The following IL15 variants were observed in gnomAD, a reference collection of about 807,000 sequenced individuals.
The protein encoded by IL15 is interleukin 15.
In IL15, 11 loss-of-function variants were observed where a neutral mutation model predicts 19.6. The ratio of observed to expected loss-of-function variants is 0.56; its 90% confidence interval spans 0.35 to 0.93. The LOEUF is 0.93. Among genes scored for constraint, IL15 ranks in the 40% least tolerant of loss-of-function variants. The pLI is 0.01. For synonymous variants in IL15, 58 were observed against 59.6 expected, an observed-to-expected ratio of 0.97 and a Z score of 0.12; for missense variants, 197 against 186.5, an observed-to-expected ratio of 1.06 and a Z score of -0.33.
At chr4:141,664,470 A>G (rs1314007629) in intron 2 of IL15, among the ~76,000 whole-genome samples, 2 of 152,142 alleles carry the variant, frequency 1.3e-5, no homozygotes, top group Admixed American at 1.3e-4. Flanking sequence ...TCCAATCACC[A>G]AGCATTTTCC....
intron 2 of IL15, among the ~76,000 whole-genome samples, chr4:141,664,213 T>A (rs1727888052): frequency 6.6e-6 from 1 of 152,064 alleles, no homozygotes; most frequent in Non-Finnish European, 1.5e-5. Flanking sequence ...CCTTTATGTT[T>A]CTGTGACTTA....
intron 2 of IL15, among the ~76,000 whole-genome samples, chr4:141,675,764 G>A (rs1579009701): frequency 6.6e-6 from 1 of 152,126 alleles, no homozygotes; most frequent in African/African-American, 2.4e-5. Context: ...CTAGGAAAAG[G>A]AAATTTCTGA....
At position 141,658,861 on chromosome 4, in the gene IL15, ATT is replaced by A. The variant is rs5862540; in HGVS notation, c.-100+2569_-100+2570del. Reference sequence around the variant, plus strand: ...TTCCTAGAAATTATTGTTTCTTGGAATTTTTTTTTTTTTTTTGAGACAGAGTC... The same window carrying A: ...TTCCTAGAAATTATTGTTTCTTGGAATTTTTTTTTTTTTTGAGACAGAGTC... On this transcript the variant is annotated intron_variant, in intron 2 of 7. Coordinates refer to ENST00000320650, the MANE Select transcript of IL15 (RefSeq NM_000585.5). Among the ~76,000 whole-genome samples, 648 of 136,640 alleles carry A rather than the reference ATT, an allele frequency of 4.7e-3. 7 individuals are homozygous for A. Among genetic ancestry groups the A allele is most frequent in the African/African-American group, 0.012 (445 of 36,076 alleles). The allele number at this position is 136,640 out of a possible 152,430, so 89.6% of individuals were successfully genotyped here. A position where few individuals can be genotyped will look rare whatever the true frequency, so the allele number is the denominator to read the frequency against.
chr4:141,686,048 G>T (rs72712411), intron 2 of IL15, among the ~76,000 whole-genome samples: 1 of 152,122 alleles, frequency 6.6e-6, no homozygotes, highest in Non-Finnish European at 1.5e-5. Flanking sequence ...TATAATCCCA[G>T]CATTTTGAGA....
intron 1 of IL15, among the ~76,000 whole-genome samples, chr4:141,654,128 G>A (rs1727505381): frequency 6.6e-6 from 1 of 152,182 alleles, no homozygotes. Flanking sequence ...AACACCTGAT[G>A]GAAGTAAGGG....
chr4:141,651,564 T>C (rs1025256646), intron 1 of IL15, among the ~76,000 whole-genome samples: 10 of 152,136 alleles, frequency 6.6e-5, no homozygotes, highest in South Asian at 2.1e-4. Context: ...ACTGCCTTTG[T>C]ATGCCTTACA....
At chr4:141,638,855 C>A (rs1258565193) in intron 1 of IL15, among the ~76,000 whole-genome samples, 1 of 152,138 alleles carries the variant, frequency 6.6e-6, no homozygotes, top group Admixed American at 6.5e-5. Flanking sequence ...TTAAATGGGT[C>A]TCTGACCCAA....
At chr4:141,691,428 G>C (rs569155018) in intron 2 of IL15, among the ~76,000 whole-genome samples, 1 of 152,134 alleles carries the variant, frequency 6.6e-6, no homozygotes, top group Non-Finnish European at 1.5e-5. Context: ...AACTCATTCT[G>C]GAATTAACCC....
At chr4:141,671,223 C>T (rs1728166398) in intron 2 of IL15, among the ~76,000 whole-genome samples, 1 of 152,054 alleles carries the variant, frequency 6.6e-6, no homozygotes, top group Non-Finnish European at 1.5e-5. Flanking sequence ...CTTAGGTAAA[C>T]CATTAGCTTT....
At chr4:141,677,759 A>C (rs931515963) in intron 2 of IL15, among the ~76,000 whole-genome samples, 1 of 152,202 alleles carries the variant, frequency 6.6e-6, no homozygotes, top group African/African-American at 2.4e-5. Flanking sequence ...CTCTGCTTTT[A>C]AGGGCTTGTA....
At chr4:141,645,729 G>A (rs1375375787) in intron 1 of IL15, among the ~76,000 whole-genome samples, 1 of 152,082 alleles carries the variant, frequency 6.6e-6, no homozygotes, top group African/African-American at 2.4e-5. Flanking sequence ...TCTCTACACT[G>A]CAATGTATGT....
At chr4:141,701,295 T>A (rs990488903) in intron 2 of IL15, among the ~76,000 whole-genome samples, 4 of 152,042 alleles carry the variant, frequency 2.6e-5, no homozygotes, top group African/African-American at 9.6e-5. Context: ...GTTTTTTTTT[T>A]TTATTTTTTC....
At chr4:141,663,656 G>C (rs1727867573) in intron 2 of IL15, among the ~76,000 whole-genome samples, 1 of 152,178 alleles carries the variant, frequency 6.6e-6, no homozygotes, top group African/African-American at 2.4e-5. Flanking sequence ...TTCCTCCCAG[G>C]TATGGGATAT....
At chr4:141,643,753 C>T (rs962539876) in intron 1 of IL15, among the ~76,000 whole-genome samples, 6 of 152,036 alleles carry the variant, frequency 3.9e-5, no homozygotes, top group African/African-American at 1.4e-4. Flanking sequence ...GTGATCTCAT[C>T]TAGTGTCATG....
At chr4:141,711,870 AT>A (rs1173728663) in intron 2 of IL15, among the ~76,000 whole-genome samples, 1 of 152,080 alleles carries the variant, frequency 6.6e-6, no homozygotes, top group Non-Finnish European at 1.5e-5. Context: ...GTTCAAACTC[AT>A]TCTCACTTAG....
intron 1 of IL15, among the ~76,000 whole-genome samples, chr4:141,654,757 A>T (rs1727532966): frequency 6.6e-6 from 1 of 152,202 alleles, no homozygotes; most frequent in African/African-American, 2.4e-5. Context: ...AACTTGGGGC[A>T]GACTCTTGGG....
chr4:141,671,643 C>A (rs1345479270), intron 2 of IL15, among the ~76,000 whole-genome samples: 8 of 152,088 alleles, frequency 5.3e-5, no homozygotes, highest in African/African-American at 1.9e-4. Flanking sequence ...TTAGGTAGTC[C>A]AGCTGGATTT....
intron 2 of IL15, among the ~76,000 whole-genome samples, chr4:141,673,393 A>G (rs1279990906): frequency 6.6e-6 from 1 of 152,190 alleles, no homozygotes. Flanking sequence ...TTCTTGATTT[A>G]CTTTTATTTT....
chr4:141,719,730 G>A, intron 3 of IL15, among the ~76,000 whole-genome samples: 1 of 152,036 alleles, frequency 6.6e-6, no homozygotes, highest in East Asian at 1.9e-4. Context: ...TTCTCTAAAT[G>A]TCTTTGTACT....
Sources: allele counts gnomAD v4.1 joint callset (sites outside exome capture counted in the v4.1 genomes callset), GRCh38; gene constraint gnomAD v4.1.1; transcripts MANE v1.5; gene names NCBI Gene and HGNC (gene_info 2026-07-23, HGNC 2026-07-21).